Variants in EDEM3 observed in about 807,000 individuals in gnomAD.
EDEM3 encodes ER degradation-enhancing alpha-mannosidase-like protein 3.
Under a neutral mutation model 110.2 loss-of-function variants are expected in EDEM3, and 60 were observed. The observed-to-expected ratio is 0.54, with a 90% CI of 0.44 to 0.67. The LOEUF (loss-of-function observed/expected upper bound fraction) is 0.67, where lower values mean the gene tolerates loss of function less well. Ranked by LOEUF, EDEM3 falls within the 30% of genes least tolerant of loss-of-function variation. The pLI, the probability that EDEM3 is intolerant of heterozygous loss-of-function variation, is 0.00. For synonymous variants in EDEM3, 352 were observed against 382.9 expected (o/e 0.92, Z 0.94); for missense variants, 996 against 1,121.0 (o/e 0.89, Z 1.59).
intron 13 of EDEM3, among the ~76,000 whole-genome samples, chr1:184,715,073 G>T (rs1650469289): frequency 6.6e-6 from 1 of 152,196 alleles, no homozygotes; most frequent in Non-Finnish European, 1.5e-5. Flanking sequence ...TGGATAGAGG[G>T]TGGAAACTCA....
Position 184,723,864 on chromosome 1 carries a change from T to TAA in EDEM3, c.748-9_748-8insTT, listed in dbSNP as rs1423907364. The TAA allele has an allele frequency of 7.7e-6, 10 of 1,304,256 alleles. No homozygotes were observed. Among genetic ancestry groups the TAA allele is most frequent in the Admixed American group, 7.2e-5 (2 of 27,898 alleles). 80.8% of individuals were successfully genotyped at this position (1,304,256 alleles called of 1,614,324 possible). A position where few individuals can be genotyped will look rare whatever the true frequency, so the allele number is the denominator to read the frequency against. ...AGCTTTTCTGGCATATTCCTGTAAT[T>TAA]TAAAAAAAAAAAAAAAAAAAAGAAG... On this transcript the variant is annotated splice_polypyrimidine_tract_variant and intron_variant, in intron 7 of 19. Transcript: ENST00000318130.
chr1:184,707,232 T>C (rs1002700725), intron 17 of EDEM3, among the ~76,000 whole-genome samples: 2 of 152,230 alleles, frequency 1.3e-5, no homozygotes, highest in Non-Finnish European at 2.9e-5. Flanking sequence ...AAATGATCAT[T>C]GGTAACAAGA....
intron 4 of EDEM3, among the ~76,000 whole-genome samples, chr1:184,736,723 A>C (rs570826680): frequency 6.6e-6 from 1 of 152,190 alleles, no homozygotes; most frequent in South Asian, 2.1e-4. Context: ...GATATTTTCT[A>C]AAGTTACTTT....
chr1:184,716,865 G>C (rs374865611), intron 13 of EDEM3, 23 bp downstream of exon 13: 16 of 1,611,780 alleles, frequency 9.9e-6, no homozygotes, highest in African/African-American at 1.3e-5. Context: ...CCTGAGGAAA[G>C]AGGATGTTAG....
intron 6 of EDEM3, among the ~76,000 whole-genome samples, chr1:184,729,094 T>A (rs1350056593): frequency 1.3e-5 from 2 of 152,076 alleles, no homozygotes; most frequent in African/African-American, 4.8e-5. Flanking sequence ...GGTTTAGAGA[T>A]GGCACTGGTA....
intron 2 of EDEM3, among the ~76,000 whole-genome samples, chr1:184,741,242 A>G (rs1652119672): frequency 6.6e-6 from 1 of 152,142 alleles, no homozygotes; most frequent in African/African-American, 2.4e-5. Context: ...TACTAAAAAT[A>G]CAAAAAATTA....
rs1410682808 is a variant in EDEM3 at position 184,693,790 on chromosome 1, T to A, written c.*273A>T. On this transcript the variant is annotated 3_prime_UTR_variant, in exon 20 of 20. Transcript: ENST00000318130. ...TCTGGTTCGCAGGAATGCTCAGTAA[T>A]CTTTCCCTGGCCTGAGGTGTTGCAG... is the stretch of plus-strand genomic sequence containing the variant. 1 of 319,336 alleles carries A rather than the reference T, an allele frequency of 3.1e-6. No homozygotes were observed. The highest frequency in any genetic ancestry group is 2.1e-5 in the African/African-American group (1 of 47,716). 19.8% of individuals were successfully genotyped at this position (319,336 alleles called of 1,614,324 possible). A position where few individuals can be genotyped will look rare whatever the true frequency, so the allele number is the denominator to read the frequency against.
chr1:184,724,944 C>T (rs779145719), intron 7 of EDEM3, among the ~76,000 whole-genome samples: 66 of 152,220 alleles, frequency 4.3e-4, no homozygotes, highest in South Asian at 2.1e-4. Context: ...GTATTTTAAG[C>T]GCTATGGGTC....
intron 19 of EDEM3, chr1:184,701,522 C>A (rs1649620376): frequency 1.6e-6 from 2 of 1,282,440 alleles, no homozygotes; most frequent in Non-Finnish European, 2.0e-6. Context: ...AGCTTGGAAT[C>A]ATTTTACCTT....
chr1:184,743,118 G>A (rs1179436137), intron 2 of EDEM3, among the ~76,000 whole-genome samples: 1 of 152,052 alleles, frequency 6.6e-6, no homozygotes, highest in Admixed American at 6.6e-5. Context: ...AATCAAATAA[G>A]GGAGTTTCAA....
chr1:184,751,593 A>G (rs1485994710), intron 1 of EDEM3, among the ~76,000 whole-genome samples: 1 of 152,238 alleles, frequency 6.6e-6, no homozygotes, highest in Admixed American at 6.5e-5. Context: ...ATAGAAGCCT[A>G]ACAAAGTCAC....
chr1:184,729,191 G>A (rs1462117105), intron 6 of EDEM3, among the ~76,000 whole-genome samples: 2 of 152,004 alleles, frequency 1.3e-5, no homozygotes, highest in Non-Finnish European at 2.9e-5. Flanking sequence ...GATGAAAGTA[G>A]GAATAAAATA....
intron 1 of EDEM3, among the ~76,000 whole-genome samples, chr1:184,751,702 A>C (rs962222589): frequency 9.2e-5 from 14 of 152,254 alleles, no homozygotes; most frequent in African/African-American, 3.4e-4. Flanking sequence ...ATGTATTGGA[A>C]ATCAGACCCA....
intron 19 of EDEM3, among the ~76,000 whole-genome samples, chr1:184,701,258 G>C (rs1363929890): frequency 6.6e-6 from 1 of 152,032 alleles, no homozygotes; most frequent in Non-Finnish European, 1.5e-5. Context: ...GCCTTTGTTA[G>C]AGTGACTCTT....
intron 13 of EDEM3, among the ~76,000 whole-genome samples, chr1:184,713,066 T>A (rs1650346763): frequency 6.6e-6 from 1 of 152,056 alleles, no homozygotes; most frequent in South Asian, 2.1e-4. Flanking sequence ...TACTTGCATG[T>A]AATTTCCTGG....
chr1:184,748,834 A>G (rs1452990775), intron 2 of EDEM3, among the ~76,000 whole-genome samples: 2 of 152,248 alleles, frequency 1.3e-5, no homozygotes, highest in African/African-American at 4.8e-5. Flanking sequence ...TATACGTTGT[A>G]ATCATAGAAG....
intron 1 of EDEM3, among the ~76,000 whole-genome samples, chr1:184,751,161 T>C (rs1183373350): frequency 2.1e-5 from 3 of 146,252 alleles, no homozygotes; most frequent in Non-Finnish European, 3.0e-5. Flanking sequence ...AGTTTACATA[T>C]ATATATATGT....
intron 5 of EDEM3, among the ~76,000 whole-genome samples, chr1:184,733,594 C>T (rs1254198484): frequency 6.6e-6 from 1 of 152,180 alleles, no homozygotes; most frequent in African/African-American, 2.4e-5. Context: ...CTTTGGGAGG[C>T]CGAGGCAGGT....
At chr1:184,722,954 T>C (rs929651640) in intron 8 of EDEM3, among the ~76,000 whole-genome samples, 2 of 151,988 alleles carry the variant, frequency 1.3e-5, no homozygotes, top group African/African-American at 4.8e-5. Flanking sequence ...CCCATGCTCC[T>C]GATTTATTTT....
Sources: allele counts gnomAD v4.1 joint callset (sites outside exome capture counted in the v4.1 genomes callset), GRCh38; gene constraint gnomAD v4.1.1; transcripts MANE v1.5; gene names NCBI Gene and HGNC (gene_info 2026-07-23, HGNC 2026-07-21).